ZEB2: variants seen among roughly 807,000 people sequenced by gnomAD.
ZEB2 encodes the protein zinc finger E-box binding homeobox 2, also known as zinc finger E-box-binding homeobox 2.
In ZEB2, 6 loss-of-function variants were observed where a neutral mutation model predicts 99.9. The ratio of observed to expected loss-of-function variants is 0.06; its 90% CI spans 0.03 to 0.12. The LOEUF (loss-of-function observed/expected upper bound fraction) is 0.12, where lower values mean the gene tolerates loss of function less well. Ranked by LOEUF, ZEB2 falls within the 10% of genes least tolerant of loss-of-function variation. ZEB2 has a pLI of 1.00. For missense variants in ZEB2, 969 were observed against 1,502.8 expected (o/e 0.64, Z 5.87); for synonymous variants, 517 against 542.5 (o/e 0.95, Z 0.65).
At chr2:144,513,404 G>A in intron 2 of ZEB2, 2 of 1,376,738 alleles carry the variant, frequency 1.5e-6, no homozygotes, top group Non-Finnish European at 1.9e-6. Context: ...CCTTCACACT[G>A]TCCCCAACCC....
At chr2:144,435,500 G>A (rs1350162146) in intron 2 of ZEB2, among the ~76,000 whole-genome samples, 2 of 151,598 alleles carry the variant, frequency 1.3e-5, no homozygotes, top group East Asian at 1.9e-4. Context: ...TCAGGAGGTT[G>A]AGGTAGGAGG....
chr2:144,490,630 C>T (rs1704664004), intron 2 of ZEB2, among the ~76,000 whole-genome samples: 1 of 152,160 alleles, frequency 6.6e-6, no homozygotes, highest in East Asian at 1.9e-4. Flanking sequence ...GTTTTCTTGG[C>T]TGTACCCTGC....
intron 2 of ZEB2, chr2:144,431,106 G>C (rs922717071): frequency 6.6e-6 from 1 of 152,114 alleles, no homozygotes; most frequent in Non-Finnish European, 1.5e-5. Flanking sequence ...GGGAAAAAAG[G>C]CTGTGGAAAA....
chr2:144,457,641 T>C (rs1482333960), intron 2 of ZEB2, among the ~76,000 whole-genome samples: 3 of 152,092 alleles, frequency 2.0e-5, no homozygotes, highest in African/African-American at 7.2e-5. Context: ...GAGGACCTGG[T>C]ATGTAACAGG....
intron 2 of ZEB2, among the ~76,000 whole-genome samples, chr2:144,450,768 C>G (rs561005324): frequency 1.3e-5 from 2 of 152,116 alleles, no homozygotes; most frequent in Admixed American, 1.3e-4. Flanking sequence ...CTCCGCCTCC[C>G]GGGTTCAAGC....
rs907627299 is a variant in ZEB2 at position 144,477,400 on chromosome 2, AT to A, written c.73+39877del. On this transcript the variant is annotated intron_variant, in intron 2 of 9. Coordinates refer to ENST00000627532, the MANE Select transcript of ZEB2 (RefSeq NM_014795.4). ...GTTTATTTTTATTGGTTTCTGCATA[AT>A]TTTTTTTCTACCATAAACCAACTTT... is the stretch of plus-strand genomic sequence containing the variant. Among the ~76,000 whole-genome samples the A allele has an allele frequency of 2.4e-4, 36 of 152,160 alleles. No individual in the cohort carries two copies. In the East Asian group the frequency reaches 4.4e-3, roughly 19 times the overall value.
rs1573779598 is a variant in ZEB2, at chr2:144,472,126, T to C, written c.74-42100A>G. 2.0e-5 allele frequency among the ~76,000 whole-genome samples: 3 copies of C among 152,228 alleles called. No homozygotes were observed. The Middle Eastern group carries it at 0.01, about 518-fold the overall frequency. Reference sequence around the variant, plus strand: ...AAAACTAATTTCAGGAGGAATACTGTATGTTTCCTGGACACTTCGTTTTAT... The same window carrying C: ...AAAACTAATTTCAGGAGGAATACTGCATGTTTCCTGGACACTTCGTTTTAT... On this transcript the variant is annotated intron_variant, in intron 2 of 9. Coordinates refer to ENST00000627532, the MANE Select transcript of ZEB2 (RefSeq NM_014795.4).
At position 144,389,541 on chromosome 2, in the gene ZEB2, A is replaced by G; in HGVS notation, c.3555T>C (p.Thr1185=). ...DPETIRDEEE[T]GDHSMDDSSE... ...AACTATCGTCCATGGAGTGATCTCC[A>G]GTCTCTTCTTCATCTCGTATCGTTT... Residue 1185 remains threonine (T), a synonymous_variant, in exon 10 of 10, where the codon ACT becomes ACC. Transcript: ENST00000627532. The surrounding 1 kb of genome is among the most constrained non-coding windows in gnomAD (Gnocchi z 6.8). The G allele has an allele frequency of 6.2e-7, 1 of 1,612,948 alleles. No homozygotes were observed. Among genetic ancestry groups the G allele is most frequent in the Non-Finnish European group, 8.5e-7 (1 of 1,179,754 alleles).
At chr2:144,509,657 C>T (rs1255674418) in intron 2 of ZEB2, among the ~76,000 whole-genome samples, 2 of 151,764 alleles carry the variant, frequency 1.3e-5, no homozygotes, top group Non-Finnish European at 2.9e-5. Flanking sequence ...CGCATTGTAT[C>T]CTTAATCTAA....
chr2:144,396,657 A>G, intron 8 of ZEB2, 65 bp from the exon 9 acceptor site: 7 of 1,547,230 alleles, frequency 4.5e-6, no homozygotes, highest in Non-Finnish European at 6.2e-6. Context: ...ACAACTTCAC[A>G]TAGGGGGACA....
intron 5 of ZEB2, 96 bp from the exon 6 acceptor site, chr2:144,404,226 A>G: frequency 7.5e-7 from 1 of 1,329,402 alleles, no homozygotes; most frequent in Non-Finnish European, 1.1e-6. Flanking sequence ...TATGACAGGA[A>G]TCACTGCAAT....
intron 2 of ZEB2, among the ~76,000 whole-genome samples, chr2:144,437,740 A>G (rs1163335434): frequency 6.6e-6 from 1 of 152,184 alleles, no homozygotes; most frequent in Non-Finnish European, 1.5e-5. Context: ...AATAAACGGA[A>G]TATAAAGAAA....
chr2:144,434,475 G>A (rs985592460), intron 2 of ZEB2, among the ~76,000 whole-genome samples: 4 of 152,250 alleles, frequency 2.6e-5, no homozygotes, highest in African/African-American at 2.4e-5. Flanking sequence ...GTCAAAGGCC[G>A]TACAGCTAGT....
chr2:144,512,196 T>C, intron 2 of ZEB2: 6 of 1,287,234 alleles, frequency 4.7e-6, no homozygotes, highest in Middle Eastern at 3.3e-4. Flanking sequence ...TCCCTCTCTC[T>C]GTGACAGGCA....
intron 2 of ZEB2, among the ~76,000 whole-genome samples, chr2:144,484,763 G>A (rs1167811487): frequency 6.6e-6 from 1 of 151,904 alleles, no homozygotes; most frequent in Admixed American, 6.6e-5. Context: ...ACTGAAGTGG[G>A]AACCCACTTA....
chr2:144,516,315 C>G (rs1705142042), intron 2 of ZEB2: 1 of 150,566 alleles, frequency 6.6e-6, no homozygotes, highest in Admixed American at 6.6e-5. Context: ...TTTATTCCCA[C>G]GATTTTGTTT....
At chr2:144,487,428 T>C (rs1457353026) in intron 2 of ZEB2, among the ~76,000 whole-genome samples, 1 of 151,930 alleles carries the variant, frequency 6.6e-6, no homozygotes, top group Admixed American at 6.5e-5. Flanking sequence ...CTTAAAAAGA[T>C]TGACACTGAA....
At chr2:144,466,981 G>A (rs776137501) in intron 2 of ZEB2, among the ~76,000 whole-genome samples, 65 of 152,108 alleles carry the variant, frequency 4.3e-4, no homozygotes, top group East Asian at 7.7e-4. Context: ...TTCCTGCCGC[G>A]CAACAATTAA....
At chr2:144,394,102 G>A (rs1312200512) in intron 9 of ZEB2, among the ~76,000 whole-genome samples, 1 of 152,046 alleles carries the variant, frequency 6.6e-6, no homozygotes, top group African/African-American at 2.4e-5. Context: ...TGTATTTTTA[G>A]TAGAGACGGG....
Sources: allele counts gnomAD v4.1 joint callset (sites outside exome capture counted in the v4.1 genomes callset), GRCh38; gene constraint gnomAD v4.1.1; non-coding constraint Gnocchi (gnomAD v3.1); transcripts MANE v1.5; gene names NCBI Gene and HGNC (gene_info 2026-07-23, HGNC 2026-07-21).